Variants in BCLAF1 observed in about 807,000 individuals in gnomAD.
BCLAF1 encodes bcl-2-associated transcription factor 1.
Under a neutral mutation model 99.5 loss-of-function variants are expected in BCLAF1, and 10 were observed. The ratio of observed to expected loss-of-function variants is 0.10; its 90% CI spans 0.06 to 0.17. The LOEUF (loss-of-function observed/expected upper bound fraction) is 0.17. BCLAF1 is among the 10% of genes least tolerant of loss of function. The pLI is 1.00. For missense variants in BCLAF1, 636 were observed against 1,105.8 expected, an observed-to-expected ratio of 0.58 and a Z score of 6.02; for synonymous variants, 255 against 370.9, an observed-to-expected ratio of 0.69 and a Z score of 3.59.
Position 136,282,663 on chromosome 6 carries a change from G to A in BCLAF1, c.-90C>T, listed in dbSNP as rs891729608. On this transcript the variant is annotated 5_prime_UTR_variant, in exon 2 of 13. Transcript: ENST00000531224. The stretch of plus-strand genomic sequence containing the variant: ...ATTCTTCCTGGAGAGAATGCTCTGA[G>A]AAATTAAACTCTAAATTCGAATTCC... 6.6e-6 allele frequency: 1 copy of A among 152,112 alleles called. No individual in the cohort carries two copies. 9.4% of individuals were successfully genotyped at this position (152,112 alleles called of 1,614,324 possible). A position where few individuals can be genotyped will look rare whatever the true frequency, so the allele number is the denominator to read the frequency against.
intron 8 of BCLAF1, 26 bp downstream of exon 8, chr6:136,271,968 GA>G (rs758993874): frequency 4.9e-5 from 75 of 1,527,680 alleles, no homozygotes; most frequent in Admixed American, 2.8e-4. Flanking sequence ...AACTTAACAC[GA>G]AAAAAAATTA....
intron 1 of BCLAF1, among the ~76,000 whole-genome samples, chr6:136,288,104 T>C (rs1785405331): frequency 6.6e-6 from 1 of 152,218 alleles, no homozygotes; most frequent in African/African-American, 2.4e-5. Context: ...ACTACCACTG[T>C]TCCTCAAAGT....
intron 9 of BCLAF1, chr6:136,269,008 T>C (rs542009310): frequency 1.7e-6 from 1 of 598,978 alleles, no homozygotes; most frequent in South Asian, 3.3e-5. Context: ...CTAATACACA[T>C]TGCTATTTCT....
rs111572965 is a variant in BCLAF1 at position 136,261,033 on chromosome 6, C to A, written c.*77G>T. The A allele has an allele frequency of 2.2e-5, 32 of 1,437,288 alleles. No individual in the cohort carries two copies. The Admixed American group carries it at 6.5e-4, about 29-fold the overall frequency. 89.0% of individuals were successfully genotyped at this position (1,437,288 alleles called of 1,614,324 possible). A position where few individuals can be genotyped will look rare whatever the true frequency, so the allele number is the denominator to read the frequency against. ...AAAATTTAAGTAAAATGCTTACATT[C>A]TTATTTGAAAACAAAAATCAGGTAA... On this transcript the variant is annotated 3_prime_UTR_variant, in exon 13 of 13. Transcript: ENST00000531224.
rs753910040 is a variant in BCLAF1, at chr6:136,272,017, A to C, written c.2021T>G (p.Val674Gly). The stretch of plus-strand genomic sequence containing the variant: ...TACCTTTTGATTTTCTTCTTTAAAA[A>C]CTCTCTCTTCCCCTGCTAAACGGGT... Reference protein sequence around the residue: ...KHTRLAGEERVFKEENQKGDK... With the variant: ...KHTRLAGEERGFKEENQKGDK... The change falls in exon 8 of 13, where the codon GTT (valine) becomes GGT (glycine). Residue 674 changes from valine to glycine, a missense_variant. By Grantham distance (109) the Val-to-Gly change is moderately radical. Transcript: ENST00000531224. The C allele has an allele frequency of 6.2e-7, 1 of 1,603,374 alleles. No individual in the cohort carries two copies. Among genetic ancestry groups the C allele is most frequent in the Admixed American group, 1.7e-5 (1 of 58,860 alleles).
chr6:136,277,803 C>T lies in BCLAF1; in HGVS notation c.1016+62G>A, dbSNP rs1359509069. 5.3e-6 allele frequency: 8 copies of T among 1,516,764 alleles called. No individual in the cohort carries two copies. In the East Asian group the frequency reaches 1.6e-4, roughly 31 times the overall value. 94.0% of individuals were successfully genotyped at this position (1,516,764 alleles called of 1,614,324 possible). ...ATATCACAATTTTACGTTTATAATT[C>T]CAAACAGAATTCAAAGAACAAAAAC... On this transcript the variant is annotated intron_variant, in intron 4 of 12. Transcript: ENST00000531224.
At position 136,260,001 on chromosome 6, in the gene BCLAF1, C is replaced by T. The variant is rs1780769956; in HGVS notation, c.*1109G>A. On this transcript the variant is annotated 3_prime_UTR_variant, in exon 13 of 13. Coordinates refer to ENST00000531224, the MANE Select transcript of BCLAF1 (RefSeq NM_014739.3). ...AGAAAAAGCCATTCTACAAAAACTGCAACTGAAATGGGGGGGAAAAAGGTT... is the reference window on the plus strand; with the variant it reads ...AGAAAAAGCCATTCTACAAAAACTGTAACTGAAATGGGGGGGAAAAAGGTT... The T allele has an allele frequency of 6.6e-6, 1 of 151,876 alleles. No homozygotes were observed. The highest frequency in any genetic ancestry group is 6.6e-5 in the Admixed American group (1 of 15,246). 9.4% of individuals were successfully genotyped at this position (151,876 alleles called of 1,614,324 possible). A position where few individuals can be genotyped will look rare whatever the true frequency, so the allele number is the denominator to read the frequency against.
chr6:136,272,646 G>A (rs951038404), intron 7 of BCLAF1, among the ~76,000 whole-genome samples: 4 of 151,832 alleles, frequency 2.6e-5, no homozygotes, highest in African/African-American at 4.8e-5. Flanking sequence ...AAAAACTTAC[G>A]TCCAGAGATT....
intron 6 of BCLAF1, among the ~76,000 whole-genome samples, chr6:136,275,276 T>A (rs1275767673): frequency 6.6e-6 from 1 of 152,128 alleles, no homozygotes; most frequent in Non-Finnish European, 1.5e-5. Flanking sequence ...CAAATCTACA[T>A]CATGTTCTAC....
At chr6:136,274,148 T>C in intron 6 of BCLAF1, 1 of 1,288,912 alleles carries the variant, frequency 7.8e-7, no homozygotes, top group Non-Finnish European at 1.0e-6. Flanking sequence ...GCTATTTTAC[T>C]TTGAAACATG....
chr6:136,268,121 T>TA lies in BCLAF1; in HGVS notation c.2397+40dup, dbSNP rs1385462909. ...CTTCCTTATGTACAGTACTCTAAGA[T>TA]AAACTCCTACCAAACAATCAAAGAT... On this transcript the variant is annotated intron_variant, in intron 10 of 12. Coordinates refer to ENST00000531224, the MANE Select transcript of BCLAF1 (RefSeq NM_014739.3). 2.0e-6 allele frequency: 3 copies of TA among 1,493,172 alleles called. No individual in the cohort carries two copies. The Admixed American group carries it at 7.2e-5, about 36-fold the overall frequency. 92.5% of individuals were successfully genotyped at this position (1,493,172 alleles called of 1,614,324 possible).
At chr6:136,275,807 CCA>C in intron 5 of BCLAF1, 34 bp downstream of exon 5, 1 of 1,589,232 alleles carries the variant, frequency 6.3e-7, no homozygotes, top group Non-Finnish European at 8.6e-7. Flanking sequence ...TACTGACTGC[CCA>C]CAGATTATTT....
In BCLAF1 at chr6:136,257,332, A is replaced by G. The variant is rs1056615640; in HGVS notation, c.*3778T>C. 2.0e-5 allele frequency: 3 copies of G among 152,322 alleles called. No homozygotes were observed. The highest frequency in any genetic ancestry group is 3.4e-3 in the Middle Eastern group (1 of 294). The allele number at this position is 152,322 out of a possible 1,614,324, so 9.4% of individuals were successfully genotyped here. ...TCTTTAATCAGTGAGATTCATTTTT[A>G]AAGGCCAAGGTATAGTCTAGTAACA... On this transcript the variant is annotated 3_prime_UTR_variant, in exon 13 of 13. Coordinates refer to ENST00000531224, the MANE Select transcript of BCLAF1 (RefSeq NM_014739.3).
At chr6:136,274,308 A>AG (rs1562246523) in intron 6 of BCLAF1, 1 of 322,270 alleles carries the variant, frequency 3.1e-6, no homozygotes, top group Non-Finnish European at 4.9e-6. Context: ...TTTTAAAAAA[A>AG]AAAAAAGAAA....
At chr6:136,261,630 A>G (rs898853369) in intron 11 of BCLAF1, among the ~76,000 whole-genome samples, 153 bp from the exon 12 acceptor site, 2 of 152,162 alleles carry the variant, frequency 1.3e-5, no homozygotes, top group South Asian at 4.1e-4. Context: ...GTAAAACTGA[A>G]TTTTTCAACA....
At chr6:136,262,639 A>C (rs894007838) in intron 11 of BCLAF1, among the ~76,000 whole-genome samples, 1 of 152,198 alleles carries the variant, frequency 6.6e-6, no homozygotes, top group African/African-American at 2.4e-5. Flanking sequence ...AGAGGTGTAC[A>C]TGACTCTATA....
Position 136,268,319 on chromosome 6 carries a change from T to C in BCLAF1, c.2240A>G (p.Asp747Gly), listed in dbSNP as rs749534577. The C allele has an allele frequency of 1.8e-5, 29 of 1,603,978 alleles. No homozygotes were observed. Among genetic ancestry groups the C allele is most frequent in the Admixed American group, 7.0e-5 (4 of 57,530 alleles). ...KDDSKHKREQ[D>G]HSRSSSSSAS... ...TGAAGAGGATGAAGATCGAGAATGA[T>C]CTTGCTCTCTTTTATGTTTACTGCA... The change falls in exon 10 of 13, where the codon GAT (aspartate) becomes GGT (glycine). Residue 747 changes from aspartate (D) to glycine (G), a missense_variant. Physicochemically the swap from Asp to Gly is moderately conservative, Grantham distance 94. This residue lies in a region of BCLAF1 where 180 missense variants were observed against 270.0 expected (regional missense o/e 0.67). Coordinates refer to ENST00000531224, the MANE Select transcript of BCLAF1 (RefSeq NM_014739.3).
intron 1 of BCLAF1, among the ~76,000 whole-genome samples, chr6:136,285,279 G>A (rs1044247845): frequency 6.6e-6 from 1 of 152,190 alleles, no homozygotes; most frequent in African/African-American, 2.4e-5. Flanking sequence ...AAAATGACTT[G>A]TTAATGGATT....
intron 11 of BCLAF1, among the ~76,000 whole-genome samples, chr6:136,262,440 C>T (rs987514663): frequency 7.2e-5 from 11 of 152,100 alleles, no homozygotes; most frequent in East Asian, 1.9e-4. Flanking sequence ...CTTTTTTTTA[C>T]GTAATATGGC....
Sources: gnomAD v4.1 joint callset for allele counts (sites outside exome capture counted in the v4.1 genomes callset) on GRCh38, gnomAD v4.1.1 for gene constraint, gnomAD v4.1.1 regional missense constraint, MANE v1.5 for transcripts, NCBI Gene and HGNC (gene_info 2026-07-23, HGNC 2026-07-21) for gene names.